The following MEIKIN variants were observed in gnomAD, a reference collection of about 807,000 sequenced individuals.
MEIKIN encodes the protein meiosis-specific kinetochore protein.
rs565802252 is a variant in MEIKIN at position 131,887,708 on chromosome 5, T to A, written c.704-8660A>T. 5.9e-5 allele frequency among the ~76,000 whole-genome samples: 9 copies of A among 152,036 alleles called. No individual in the cohort carries two copies. In the East Asian group the frequency reaches 9.7e-4, roughly 16 times the overall value. ...TTTTTCTTGTAAATTTGTTTTTTTT[T>A]TATTTTATTATTATTATACTTTAAG... On this transcript the variant is annotated intron_variant, in intron 8 of 12. Transcript: ENST00000442687.
At chr5:131,920,565 A>G (rs1037006261) in intron 6 of MEIKIN, among the ~76,000 whole-genome samples, 1 of 152,250 alleles carries the variant, frequency 6.6e-6, no homozygotes, top group South Asian at 2.1e-4. Flanking sequence ...GAAATTTACC[A>G]TCACCACTAG....
At chr5:131,835,152 TAG>T (rs1053942709) in intron 11 of MEIKIN, among the ~76,000 whole-genome samples, 1 of 135,688 alleles carries the variant, frequency 7.4e-6, no homozygotes, top group African/African-American at 3.5e-5. Context: ...GGTTTTTTGC[TAG>T]AGTTTTGTGT....
chr5:131,824,895 T>C lies in MEIKIN; in HGVS notation c.976-6032A>G, dbSNP rs150970505. Among the ~76,000 whole-genome samples the C allele has an allele frequency of 2.0e-4, 31 of 151,814 alleles. No individual in the cohort carries two copies. The East Asian group carries it at 4.5e-3, about 22-fold the overall frequency. ...ATATACAAAGAACAGCAAACAAAATTAATAATCAAGCCAGGTGCAGTGGCT... is the reference window on the plus strand; with the variant it reads ...ATATACAAAGAACAGCAAACAAAATCAATAATCAAGCCAGGTGCAGTGGCT... On this transcript the variant is annotated intron_variant, in intron 11 of 12. Transcript: ENST00000442687.
At chr5:131,818,343 C>T (rs574997234) in intron 12 of MEIKIN, among the ~76,000 whole-genome samples, 1 of 152,244 alleles carries the variant, frequency 6.6e-6, no homozygotes, top group South Asian at 2.1e-4. Context: ...GTGCCATACG[C>T]TAATTTTTCA....
intron 5 of MEIKIN, among the ~76,000 whole-genome samples, chr5:131,925,870 T>C (rs1580910212): frequency 6.6e-6 from 1 of 151,964 alleles, no homozygotes; most frequent in African/African-American, 2.4e-5. Flanking sequence ...CTTTCACCAT[T>C]TTGGCCAGGC....
At chr5:131,932,231 T>C (rs1022497768) in intron 5 of MEIKIN, among the ~76,000 whole-genome samples, 4 of 152,226 alleles carry the variant, frequency 2.6e-5, no homozygotes, top group Non-Finnish European at 4.4e-5. Flanking sequence ...TTCAGTACAT[T>C]ATCTGCAGCA....
intron 8 of MEIKIN, among the ~76,000 whole-genome samples, chr5:131,889,789 C>T (rs1228693007): frequency 6.6e-6 from 1 of 152,140 alleles, no homozygotes; most frequent in African/African-American, 2.4e-5. Context: ...TGGCTTGTGC[C>T]AGTTTTCAAA....
intron 9 of MEIKIN, among the ~76,000 whole-genome samples, chr5:131,871,455 C>G (rs1036544981): frequency 6.6e-6 from 1 of 152,162 alleles, no homozygotes; most frequent in Non-Finnish European, 1.5e-5. Context: ...GGGGGAGGGG[C>G]GCCCGCCATT....
chr5:131,817,074 G>A (rs531315553), intron 12 of MEIKIN, among the ~76,000 whole-genome samples: 6 of 152,116 alleles, frequency 3.9e-5, no homozygotes, highest in South Asian at 2.1e-4. Flanking sequence ...TAGAAAAGGC[G>A]GAGGAAAGGC....
intron 5 of MEIKIN, among the ~76,000 whole-genome samples, chr5:131,923,017 G>T (rs1321103790): frequency 6.6e-6 from 1 of 152,076 alleles, no homozygotes; most frequent in African/African-American, 2.4e-5. Flanking sequence ...TCAGACTCCT[G>T]AGTAGCTGGG....
chr5:131,858,635 A>G (rs1750234899), intron 9 of MEIKIN, among the ~76,000 whole-genome samples: 1 of 152,234 alleles, frequency 6.6e-6, no homozygotes, highest in Non-Finnish European at 1.5e-5. Flanking sequence ...CTATCAAGAG[A>G]GTAAACAGAC....
intron 11 of MEIKIN, among the ~76,000 whole-genome samples, chr5:131,841,234 C>CG (rs2149611179): frequency 6.6e-6 from 1 of 152,150 alleles, no homozygotes; most frequent in African/African-American, 2.4e-5. Context: ...AGAGTGGTTG[C>CG]GGGGGTGAGG....
chr5:131,818,220 G>A (rs1773137132), intron 12 of MEIKIN, among the ~76,000 whole-genome samples: 1 of 152,192 alleles, frequency 6.6e-6, no homozygotes, highest in East Asian at 1.9e-4. Context: ...TGAGGTGAAT[G>A]CAAAAACATC....
chr5:131,868,487 T>C (rs1750429191), intron 9 of MEIKIN, among the ~76,000 whole-genome samples: 1 of 152,250 alleles, frequency 6.6e-6, no homozygotes, highest in South Asian at 2.1e-4. Context: ...TAGTGAGGTG[T>C]CTGTTCAGGT....
chr5:131,888,646 T>C (rs1750846109), intron 8 of MEIKIN, among the ~76,000 whole-genome samples: 1 of 152,070 alleles, frequency 6.6e-6, no homozygotes, highest in African/African-American at 2.4e-5. Flanking sequence ...AAACTTTTCT[T>C]CCATTCTGTA....
chr5:131,917,064 G>C (rs755913030), intron 6 of MEIKIN, 139 bp from the exon 7 acceptor site: 18 of 369,510 alleles, frequency 4.9e-5, no homozygotes, highest in African/African-American at 3.5e-4. Flanking sequence ...CTTAAATTAG[G>C]TAAAAATATT....
chr5:131,833,280 C>T (rs1002114866), intron 11 of MEIKIN, among the ~76,000 whole-genome samples: 10 of 152,136 alleles, frequency 6.6e-5, no homozygotes, highest in Admixed American at 1.3e-4. Context: ...AGTATCCTTG[C>T]TAATTTGCTA....
intron 8 of MEIKIN, among the ~76,000 whole-genome samples, chr5:131,886,264 C>A (rs1011306476): frequency 6.6e-6 from 1 of 152,080 alleles, no homozygotes; most frequent in Non-Finnish European, 1.5e-5. Flanking sequence ...GGGATAACAA[C>A]ATGGAATTTC....
chr5:131,861,888 T>A (rs866786491), intron 9 of MEIKIN, among the ~76,000 whole-genome samples: 89 of 152,184 alleles, frequency 5.8e-4, no homozygotes, highest in African/African-American at 2.1e-3. Context: ...TCTATGTTCA[T>A]CAGGCCTGTA....
Sources: allele counts gnomAD v4.1 joint callset (sites outside exome capture counted in the v4.1 genomes callset), GRCh38; gene constraint gnomAD v4.1.1; transcripts MANE v1.5; gene names NCBI Gene and HGNC (gene_info 2026-07-23, HGNC 2026-07-21).